Variants in VSTM2A observed in about 807,000 individuals in gnomAD.
VSTM2A encodes the protein V-set and transmembrane domain-containing protein 2A.
In VSTM2A, 13 loss-of-function variants were observed where a neutral mutation model predicts 27.3. The ratio of observed to expected loss-of-function variants is 0.48; its 90% CI spans 0.31 to 0.76. The LOEUF (loss-of-function observed/expected upper bound fraction) is 0.76. Among genes scored for constraint, VSTM2A ranks in the 30% least tolerant of loss-of-function variants. VSTM2A has a pLI of 0.05. For missense variants in VSTM2A, 280 were observed against 310.0 expected, an observed-to-expected ratio of 0.90 and a Z score of 0.73; for synonymous variants, 142 against 125.7, an observed-to-expected ratio of 1.13 and a Z score of -0.87.
chr7:54,557,800 C>G (rs1788419937), intron 4 of VSTM2A: 1 of 152,136 alleles, frequency 6.6e-6, no homozygotes, highest in Non-Finnish European at 1.5e-5. Context: ...ATACAATTAT[C>G]AGCAATGAAA....
intron 1 of VSTM2A, among the ~76,000 whole-genome samples, chr7:54,544,200 A>G (rs2115749854): frequency 6.6e-6 from 1 of 152,368 alleles, no homozygotes. Context: ...TGTTACATGA[A>G]ACATCCAGTT....
At chr7:54,562,211 C>G (rs1012131076) in intron 4 of VSTM2A, among the ~76,000 whole-genome samples, 1 of 152,128 alleles carries the variant, frequency 6.6e-6, no homozygotes, top group African/African-American at 2.4e-5. Flanking sequence ...CGTGAGCCAC[C>G]GCTCCCAGCC....
intron 4 of VSTM2A, among the ~76,000 whole-genome samples, chr7:54,564,293 G>A (rs2115924918): frequency 6.6e-6 from 1 of 152,308 alleles, no homozygotes. Context: ...GTGGGGTGAC[G>A]AGTGGGGGTA....
intron 3 of VSTM2A, among the ~76,000 whole-genome samples, 153 bp from the exon 4 acceptor site, chr7:54,549,681 G>T (rs1479540817): frequency 6.6e-6 from 1 of 152,218 alleles, no homozygotes; most frequent in African/African-American, 2.4e-5. Context: ...AAGGCCTTCA[G>T]ATGTGACGTT....
In VSTM2A at chr7:54,569,187, T is replaced by TCC. The variant is rs1356213383; in HGVS notation, c.692_693dup (p.Lys232ProfsTer23). On this transcript the variant is annotated frameshift_variant, in exon 5 of 5. Transcript: ENST00000402613. LOFTEE classifies it high-confidence loss of function. The stretch of plus-strand genomic sequence containing the variant: ...GCGGACAGCAAAGTTGACCCTAAAC[T>TCC]CCAAGCACCACCCTGCACCCACTGT... The TCC allele has an allele frequency of 1.9e-6, 3 of 1,551,514 alleles. No individual in the cohort carries two copies. In the Admixed American group the frequency reaches 5.9e-5, roughly 30 times the overall value.
intron 4 of VSTM2A, among the ~76,000 whole-genome samples, chr7:54,564,115 A>G (rs1334912500): frequency 6.6e-6 from 1 of 152,234 alleles, no homozygotes; most frequent in East Asian, 1.9e-4. Context: ...GAAGAGCTGT[A>G]ATGGACACTC....
intron 4 of VSTM2A, among the ~76,000 whole-genome samples, chr7:54,565,348 G>T (rs890116650): frequency 6.6e-6 from 1 of 152,196 alleles, no homozygotes; most frequent in African/African-American, 2.4e-5. Context: ...CATGTTGCCT[G>T]GCACCTAGCA....
At chr7:54,542,848 T>A (rs774309761) in intron 1 of VSTM2A, 39 bp downstream of exon 1, 1 of 1,489,160 alleles carries the variant, frequency 6.7e-7, no homozygotes, top group Admixed American at 1.8e-5. Flanking sequence ...TTTGCTTGCG[T>A]GTGTGTGTGT....
chr7:54,558,138 G>A (rs1788432390), intron 4 of VSTM2A: 1 of 152,090 alleles, frequency 6.6e-6, no homozygotes, highest in African/African-American at 2.4e-5. Context: ...GTATTCTAAA[G>A]CCATAATTAT....
At chr7:54,564,398 C>T (rs1788657882) in intron 4 of VSTM2A, among the ~76,000 whole-genome samples, 1 of 152,166 alleles carries the variant, frequency 6.6e-6, no homozygotes, top group Admixed American at 6.5e-5. Flanking sequence ...GGAATCACGC[C>T]TAATGCTGCA....
At chr7:54,557,067 C>A (rs1788385248) in intron 4 of VSTM2A, 1 of 152,222 alleles carries the variant, frequency 6.6e-6, no homozygotes, top group Non-Finnish European at 1.5e-5. Flanking sequence ...CAATAACACA[C>A]ACCCTAAAAG....
intron 4 of VSTM2A, among the ~76,000 whole-genome samples, chr7:54,564,929 G>A (rs1016763950): frequency 8.5e-5 from 13 of 152,140 alleles, no homozygotes; most frequent in Admixed American, 3.3e-4. Context: ...TTATTAATGC[G>A]TTGAAAAACC....
chr7:54,550,061 C>G lies in VSTM2A; in HGVS notation c.525C>G (p.Asn175Lys). 1 of 1,609,174 alleles carries G rather than the reference C, an allele frequency of 6.2e-7. No individual in the cohort carries two copies. ...MWLQDMKPRK[N>K]VSAAIPSSIH... ...TGCAGGATATGAAGCCCCGCAAGAA[C>G]GTCTCCGCAGCCATCCCCAGCAGCA... Residue 175 changes from asparagine (N) to lysine (K), a missense_variant, in exon 4 of 5, where the codon AAC (asparagine) becomes AAG (lysine). Physicochemically the swap from Asn to Lys is moderately conservative, Grantham distance 94. Coordinates refer to ENST00000402613, the MANE Select transcript of VSTM2A (RefSeq NM_001301009.2).
chr7:54,544,915 G>C, intron 2 of VSTM2A, 127 bp downstream of exon 2: 1 of 1,173,822 alleles, frequency 8.5e-7, no homozygotes, highest in Non-Finnish European at 1.2e-6. Context: ...GTGGAAGCGA[G>C]TGACCCCCAG....
In VSTM2A at chr7:54,544,238, G is replaced by A. The variant is rs556387059; in HGVS notation, c.80-384G>A. On this transcript the variant is annotated intron_variant, in intron 1 of 4. Coordinates refer to ENST00000402613, the MANE Select transcript of VSTM2A (RefSeq NM_001301009.2). ...TGGTAGATTGTTTAGAAACTTAGAG[G>A]CAAGAGACTCTCCTCATTTATCAAC... Among the ~76,000 whole-genome samples, 8 of 152,298 alleles carry A rather than the reference G, an allele frequency of 5.3e-5. No individual in the cohort carries two copies. In the East Asian group the frequency reaches 1.3e-3, roughly 26 times the overall value.
chr7:54,556,692 T>C (rs1447888594), intron 4 of VSTM2A, among the ~76,000 whole-genome samples: 1 of 152,220 alleles, frequency 6.6e-6, no homozygotes, highest in Non-Finnish European at 1.5e-5. Flanking sequence ...ATTTGGATAA[T>C]ACAGGCCAAG....
chr7:54,566,208 T>A (rs1283106737), intron 4 of VSTM2A, among the ~76,000 whole-genome samples: 1 of 152,234 alleles, frequency 6.6e-6, no homozygotes, highest in Non-Finnish European at 1.5e-5. Flanking sequence ...CCATTAGGCC[T>A]CTCTTCATCT....
intron 1 of VSTM2A, 30 bp from the exon 2 acceptor site, chr7:54,544,592 A>AT: frequency 1.9e-6 from 3 of 1,612,690 alleles, no homozygotes; most frequent in Non-Finnish European, 2.5e-6. Flanking sequence ...GGGTGTGGAT[A>AT]TTCCAACAGG....
chr7:54,568,525 C>T (rs1028383018), intron 4 of VSTM2A, among the ~76,000 whole-genome samples: 2 of 150,956 alleles, frequency 1.3e-5, no homozygotes, highest in South Asian at 2.1e-4. Flanking sequence ...TCCAAGATTT[C>T]GAGGATTAAA....
Sources: allele counts gnomAD v4.1 joint callset (sites outside exome capture counted in the v4.1 genomes callset), GRCh38; gene constraint gnomAD v4.1.1; transcripts MANE v1.5; gene names NCBI Gene and HGNC (gene_info 2026-07-23, HGNC 2026-07-21).